The following RARB variants were observed in gnomAD, a reference collection of about 807,000 sequenced individuals.
RARB encodes the protein retinoic acid receptor beta, also known as HBV-activated protein.
Under a neutral mutation model 51.9 loss-of-function variants are expected in RARB, and 17 were observed. That is an observed-to-expected ratio of 0.33 (90% confidence interval 0.22 to 0.49). RARB has a LOEUF of 0.49. Among genes scored for constraint, RARB ranks in the 20% least tolerant of loss-of-function variants. The pLI, the probability that RARB is intolerant of heterozygous loss-of-function variation, is 0.99. For synonymous variants in RARB, 215 were observed against 195.4 expected, an observed-to-expected ratio of 1.10 and a Z score of -0.84; for missense variants, 369 against 550.8, an observed-to-expected ratio of 0.67 and a Z score of 3.30.
intron 5 of RARB, among the ~76,000 whole-genome samples, chr3:25,253,455 T>C (rs567343747): frequency 6.6e-6 from 1 of 152,174 alleles, no homozygotes. Flanking sequence ...CTATAAAATA[T>C]TCAAAGAAAT....
intron 5 of RARB, among the ~76,000 whole-genome samples, chr3:25,217,691 G>C (rs375996418): frequency 6.6e-6 from 1 of 152,178 alleles, no homozygotes; most frequent in African/African-American, 2.4e-5. Context: ...GAAACTGAAA[G>C]TAGTAATAAC....
chr3:24,987,193 C>G (rs116351747), intron 2 of RARB, among the ~76,000 whole-genome samples: 1,788 of 152,126 alleles, frequency 0.012, 45 homozygotes, highest in African/African-American at 0.04. Context: ...GGAAGATAAA[C>G]TTAATCACCT....
intron 3 of RARB, among the ~76,000 whole-genome samples, chr3:25,568,651 C>T (rs561155215): frequency 6.6e-6 from 1 of 152,330 alleles, no homozygotes. Context: ...TCTCAAATCA[C>T]CCGTGTGCTC....
chr3:24,916,469 G>A (rs1695107511), intron 2 of RARB, among the ~76,000 whole-genome samples: 1 of 152,118 alleles, frequency 6.6e-6, no homozygotes, highest in Non-Finnish European at 1.5e-5. Flanking sequence ...TCCTCTGTTA[G>A]CAGAATGAAA....
intron 5 of RARB, among the ~76,000 whole-genome samples, chr3:25,408,713 T>C (rs1316176704): frequency 2.0e-5 from 3 of 151,926 alleles, no homozygotes; most frequent in African/African-American, 7.3e-5. Context: ...GCAACAACAG[T>C]GTATATGCCA....
At chr3:25,198,793 A>T (rs1701310976) in intron 5 of RARB, among the ~76,000 whole-genome samples, 2 of 152,088 alleles carry the variant, frequency 1.3e-5, no homozygotes, top group African/African-American at 4.8e-5. Flanking sequence ...GCAATAACAA[A>T]TGCTGGTGAG....
chr3:25,442,754 C>A (rs1436973338), intron 1 of RARB, among the ~76,000 whole-genome samples: 2 of 152,088 alleles, frequency 1.3e-5, no homozygotes. Context: ...AAGTATTTAG[C>A]ACTTGTTTTG....
chr3:25,399,002 T>C (rs1257395520), intron 5 of RARB, among the ~76,000 whole-genome samples: 1 of 151,572 alleles, frequency 6.6e-6, no homozygotes, highest in Non-Finnish European at 1.5e-5. Context: ...CCAGATTACA[T>C]GTGGCAAAAG....
intron 5 of RARB, among the ~76,000 whole-genome samples, chr3:25,222,043 G>A (rs1300478674): frequency 6.6e-6 from 1 of 152,156 alleles, no homozygotes; most frequent in Admixed American, 6.5e-5. Context: ...TAATCGGAAC[G>A]AGCTATCACT....
intron 5 of RARB, among the ~76,000 whole-genome samples, chr3:25,403,098 G>A (rs770598944): frequency 6.6e-6 from 1 of 150,496 alleles, no homozygotes; most frequent in East Asian, 2.0e-4. Context: ...GGGAGGCAGA[G>A]GTTGCAGTGA....
chr3:25,506,341 C>T (rs898301084), intron 3 of RARB, among the ~76,000 whole-genome samples: 1 of 151,232 alleles, frequency 6.6e-6, no homozygotes, highest in African/African-American at 2.4e-5. Flanking sequence ...TGCAGTAGCT[C>T]ACACTTGCAA....
chr3:25,491,585 G>T (rs1696739358), intron 2 of RARB, among the ~76,000 whole-genome samples: 1 of 152,160 alleles, frequency 6.6e-6, no homozygotes, highest in Admixed American at 6.5e-5. Flanking sequence ...CTGTAGCCTG[G>T]ACTGACTACA....
At chr3:25,208,732 C>T (rs987004179) in intron 5 of RARB, among the ~76,000 whole-genome samples, 1 of 152,102 alleles carries the variant, frequency 6.6e-6, no homozygotes, top group East Asian at 1.9e-4. Context: ...TTTCTTAAAG[C>T]AATGAGATCT....
At chr3:25,530,039 C>G (rs1392822545) in intron 3 of RARB, among the ~76,000 whole-genome samples, 1 of 147,630 alleles carries the variant, frequency 6.8e-6, no homozygotes, top group Non-Finnish European at 1.5e-5. Flanking sequence ...GGCTGCCTCT[C>G]CCCTTCATAC....
chr3:24,941,374 CTT>C (rs567240324), intron 2 of RARB, among the ~76,000 whole-genome samples: 5 of 145,822 alleles, frequency 3.4e-5, no homozygotes, highest in Non-Finnish European at 3.0e-5. Context: ...AAAAGGCAGT[CTT>C]TTTTTTTTTT....
intron 3 of RARB, among the ~76,000 whole-genome samples, chr3:25,095,034 G>A (rs150695488): frequency 2.0e-5 from 3 of 152,294 alleles, no homozygotes; most frequent in African/African-American, 4.8e-5. Flanking sequence ...TCACAGTTAA[G>A]TAGAGCTGCT....
intron 2 of RARB, among the ~76,000 whole-genome samples, chr3:25,023,199 A>G (rs938415360): frequency 5.3e-5 from 8 of 152,118 alleles, no homozygotes; most frequent in African/African-American, 1.4e-4. Flanking sequence ...TGATGTTACC[A>G]TAACCTTGGG....
chr3:24,912,938 G>A (rs1236904485), intron 2 of RARB, among the ~76,000 whole-genome samples: 3 of 143,910 alleles, frequency 2.1e-5, no homozygotes, highest in South Asian at 4.4e-4. Flanking sequence ...GTGACCCATG[G>A]TATCTAAAGT....
chr3:25,227,279 T>C (rs1334348735), intron 5 of RARB, among the ~76,000 whole-genome samples: 3 of 152,122 alleles, frequency 2.0e-5, no homozygotes, highest in Non-Finnish European at 4.4e-5. Flanking sequence ...TATAATAAAA[T>C]AAATCAGTTT....
Sources: allele counts gnomAD v4.1 joint callset (sites outside exome capture counted in the v4.1 genomes callset), GRCh38; gene constraint gnomAD v4.1.1; transcripts MANE v1.5; gene names NCBI Gene and HGNC (gene_info 2026-07-23, HGNC 2026-07-21).